Variants in FBXO31 observed in about 807,000 individuals in gnomAD.
FBXO31 encodes F-box protein 31.
A neutral mutation model predicts 54.4 loss-of-function variants in FBXO31; 24 were observed. The ratio of observed to expected loss-of-function variants is 0.44; its 90% CI spans 0.32 to 0.62. FBXO31 has a LOEUF of 0.62. Among genes scored for constraint, FBXO31 ranks in the 20% least tolerant of loss-of-function variants. FBXO31 has a pLI of 0.05. For synonymous variants in FBXO31, 388 were observed against 335.6 expected (o/e 1.16, Z -1.71); for missense variants, 665 against 787.1 (o/e 0.84, Z 1.86).
At chr16:87,351,630 A>G (rs996379236) in intron 2 of FBXO31, among the ~76,000 whole-genome samples, 6 of 152,184 alleles carry the variant, frequency 3.9e-5, no homozygotes, top group Non-Finnish European at 7.3e-5. Context: ...GAACTTTAGG[A>G]GGCCGAGGCA....
At chr16:87,341,670 A>C (rs1218030966) in intron 5 of FBXO31, among the ~76,000 whole-genome samples, 1 of 151,878 alleles carries the variant, frequency 6.6e-6, no homozygotes, top group Non-Finnish European at 1.5e-5. Context: ...AAAAAAAAAA[A>C]AAAAAAAAAA....
rs922014409 is a variant in FBXO31, at chr16:87,358,006, A to G, written c.412+2289T>C. On this transcript the variant is annotated intron_variant, in intron 2 of 8. Coordinates refer to ENST00000311635, the MANE Select transcript of FBXO31 (RefSeq NM_024735.5). This position sits in a 1 kb window ranked among gnomAD's most constrained non-coding sequence, Gnocchi z 4.0. ...ATTTTTAATTCACATAGGCTATTAA[A>G]ATGTGATTAAAACTAATAAAGGTCA... Among the ~76,000 whole-genome samples the G allele has an allele frequency of 5.3e-5, 8 of 152,208 alleles. No homozygotes were observed. Among genetic ancestry groups the G allele is most frequent in the African/African-American group, 9.6e-5 (4 of 41,452 alleles).
chr16:87,374,774 C>A (rs1025014797), intron 1 of FBXO31, among the ~76,000 whole-genome samples: 32 of 152,118 alleles, frequency 2.1e-4, no homozygotes, highest in South Asian at 6.2e-4. Flanking sequence ...GCGCCTGAGT[C>A]ATTCCTGTTT....
chr16:87,333,764 C>G, intron 8 of FBXO31, 122 bp downstream of exon 8: 3 of 1,413,006 alleles, frequency 2.1e-6, no homozygotes, highest in Non-Finnish European at 2.9e-6. Flanking sequence ...TGTCCCAAAG[C>G]ACCGGCTGCC....
At chr16:87,353,493 T>A (rs1447976246) in intron 2 of FBXO31, among the ~76,000 whole-genome samples, 3 of 152,326 alleles carry the variant, frequency 2.0e-5, no homozygotes, top group Non-Finnish European at 2.9e-5. Flanking sequence ...AAGTGCCCGA[T>A]CCACTGACTG....
chr16:87,360,919 C>A (rs868463337), intron 1 of FBXO31, among the ~76,000 whole-genome samples: 1 of 152,130 alleles, frequency 6.6e-6, no homozygotes, highest in African/African-American at 2.4e-5. Flanking sequence ...GCCCTGGACA[C>A]CTCCCGCAAC....
Position 87,383,366 on chromosome 16 carries a change from C to CCCCCCCCCCA in FBXO31, c.340+38_340+39insTGGGGGGGGG. ...TCCGAGGCCTCCACCTGGCAGGGAC[C>CCCCCCCCCCA]CCCCGCCCCTCCCGGCCCCGCCACC... is the stretch of plus-strand genomic sequence containing the variant. On this transcript the variant is annotated intron_variant, in intron 1 of 8. Transcript: ENST00000311635. The surrounding 1 kb of genome is among the most constrained non-coding windows in gnomAD (Gnocchi z 4.9). 1.1e-5 allele frequency: 16 copies of CCCCCCCCCCA among 1,422,824 alleles called. No homozygotes were observed. Among genetic ancestry groups the CCCCCCCCCCA allele is most frequent in the South Asian group, 2.5e-5 (2 of 79,970 alleles). The allele number at this position is 1,422,824 out of a possible 1,614,324, so 88.1% of individuals were successfully genotyped here. A position where few individuals can be genotyped will look rare whatever the true frequency, so the allele number is the denominator to read the frequency against.
At chr16:87,355,777 C>T (rs1455906879) in intron 2 of FBXO31, among the ~76,000 whole-genome samples, 4 of 152,134 alleles carry the variant, frequency 2.6e-5, no homozygotes, top group Admixed American at 2.0e-4. Context: ...GTCTCTTCCT[C>T]GTGAGCTACA....
chr16:87,378,463 A>G (rs1906925361), intron 1 of FBXO31, among the ~76,000 whole-genome samples: 1 of 152,232 alleles, frequency 6.6e-6, no homozygotes, highest in Non-Finnish European at 1.5e-5. Context: ...GGATTAAATG[A>G]GAAACTTAAA....
chr16:87,381,106 T>C (rs1049684205), intron 1 of FBXO31, among the ~76,000 whole-genome samples: 3 of 151,984 alleles, frequency 2.0e-5, no homozygotes, highest in Non-Finnish European at 4.4e-5. Flanking sequence ...CCAGAGCAAA[T>C]GGGTAGACTT....
intron 2 of FBXO31, among the ~76,000 whole-genome samples, chr16:87,359,644 G>A (rs1478267536): frequency 6.6e-6 from 1 of 152,198 alleles, no homozygotes; most frequent in Non-Finnish European, 1.5e-5. Flanking sequence ...TGGGGTATGA[G>A]ACACTCACAG....
chr16:87,366,899 C>T (rs895244099), intron 1 of FBXO31, among the ~76,000 whole-genome samples: 11 of 152,330 alleles, frequency 7.2e-5, no homozygotes, highest in South Asian at 4.1e-4. Flanking sequence ...AACAACAAGA[C>T]GGGCGCAAGG....
chr16:87,353,080 C>A (rs1370586146), intron 2 of FBXO31, among the ~76,000 whole-genome samples: 1 of 152,154 alleles, frequency 6.6e-6, no homozygotes, highest in African/African-American at 2.4e-5. Context: ...GCTCTATTTC[C>A]GTCAGCCGAG....
At position 87,383,372 on chromosome 16, in the gene FBXO31, C is replaced by CCCCCA; in HGVS notation, c.340+32_340+33insTGGGG. On this transcript the variant is annotated intron_variant, in intron 1 of 8. Coordinates refer to ENST00000311635, the MANE Select transcript of FBXO31 (RefSeq NM_024735.5). This position sits in a 1 kb window ranked among gnomAD's most constrained non-coding sequence, Gnocchi z 4.9. ...GCCTCCACCTGGCAGGGACCCCCCG[C>CCCCCA]CCCTCCCGGCCCCGCCACCCCCGCG... 1 of 1,459,280 alleles carries CCCCCA rather than the reference C, an allele frequency of 6.9e-7. No individual in the cohort carries two copies. Among genetic ancestry groups the CCCCCA allele is most frequent in the Non-Finnish European group, 9.2e-7 (1 of 1,081,346 alleles). 90.4% of individuals were successfully genotyped at this position (1,459,280 alleles called of 1,614,324 possible). A position where few individuals can be genotyped will look rare whatever the true frequency, so the allele number is the denominator to read the frequency against.
Position 87,328,088 on chromosome 16 carries a change from T to C in FBXO31, c.*3200A>G, listed in dbSNP as rs1423041878. ...AGGAGTTTCTGCTGCTGTCCGTGACTGCCCACGAGCACTGAAAATGGCCTA... is the reference window on the plus strand; with the variant it reads ...AGGAGTTTCTGCTGCTGTCCGTGACCGCCCACGAGCACTGAAAATGGCCTA... On this transcript the variant is annotated 3_prime_UTR_variant, in exon 9 of 9. Transcript: ENST00000311635. 1 of 152,284 alleles carries C rather than the reference T, an allele frequency of 6.6e-6. No individual in the cohort carries two copies. Among genetic ancestry groups the C allele is most frequent in the East Asian group, 1.9e-4 (1 of 5,188 alleles). The allele number at this position is 152,284 out of a possible 1,614,324, so 9.4% of individuals were successfully genotyped here.
rs1906070584 is a variant in FBXO31 at position 87,360,170 on chromosome 16, A to C, written c.412+125T>G. ...CTACCAGTGCTCTATTCAAAATGTG[A>C]CTGTAAGATGGTGTCTGAGAAAACA... On this transcript the variant is annotated intron_variant, in intron 2 of 8. Coordinates refer to ENST00000311635, the MANE Select transcript of FBXO31 (RefSeq NM_024735.5). The C allele has an allele frequency of 3.6e-6, 3 of 826,876 alleles. No individual in the cohort carries two copies. The Admixed American group carries it at 6.3e-5, about 17-fold the overall frequency. 51.2% of individuals were successfully genotyped at this position (826,876 alleles called of 1,614,324 possible).
intron 1 of FBXO31, among the ~76,000 whole-genome samples, chr16:87,379,792 C>G (rs1199087520): frequency 6.6e-6 from 1 of 151,238 alleles, no homozygotes; most frequent in Admixed American, 6.6e-5. Flanking sequence ...TTCACCATGT[C>G]GGCCAGGCTG....
chr16:87,336,487 C>T lies in FBXO31; in HGVS notation c.733-223G>A, dbSNP rs900130818. Among the ~76,000 whole-genome samples, 4 of 152,152 alleles carry T rather than the reference C, an allele frequency of 2.6e-5. No homozygotes were observed. The highest frequency in any genetic ancestry group is 5.9e-5 in the Non-Finnish European group (4 of 68,016). The stretch of plus-strand genomic sequence containing the variant: ...GCCTGCCAACAAAAAGTGAAGGTTC[C>T]GGGCCCTTGGTCTGCTGGGTCGGAG... On this transcript the variant is annotated intron_variant, in intron 5 of 8. Coordinates refer to ENST00000311635, the MANE Select transcript of FBXO31 (RefSeq NM_024735.5). This position sits in a 1 kb window ranked among gnomAD's most constrained non-coding sequence, Gnocchi z 6.5.
upstream of FBXO31, among the ~76,000 whole-genome samples, chr16:87,384,550 G>A (rs578253338): frequency 3.9e-5 from 6 of 152,238 alleles, no homozygotes; most frequent in African/African-American, 1.4e-4. Context: ...CTCCGCCGAG[G>A]CCGCTGAGCG....
Sources: allele counts gnomAD v4.1 joint callset (sites outside exome capture counted in the v4.1 genomes callset), GRCh38; gene constraint gnomAD v4.1.1; non-coding constraint Gnocchi (gnomAD v3.1); transcripts MANE v1.5; gene names NCBI Gene and HGNC (gene_info 2026-07-23, HGNC 2026-07-21).